METTL22: variants seen among roughly 807,000 people sequenced by gnomAD.
METTL22 encodes the protein methyltransferase-like protein 22.
METTL22 carries 51 observed loss-of-function variants against 48.4 expected under a neutral mutation model. That is an observed-to-expected ratio of 1.05 (90% CI 0.84 to 1.33). The LOEUF (loss-of-function observed/expected upper bound fraction) is 1.33. Among genes scored for constraint, METTL22 ranks in the 40% most tolerant of loss-of-function variants. The pLI is 0.00. For missense variants in METTL22, 678 were observed against 526.9 expected, an observed-to-expected ratio of 1.29 and a Z score of -2.81; for synonymous variants, 255 against 214.1, an observed-to-expected ratio of 1.19 and a Z score of -1.67.
intron 3 of METTL22, among the ~76,000 whole-genome samples, chr16:8,633,787 C>T (rs2056339020): frequency 6.6e-6 from 1 of 152,248 alleles, no homozygotes; most frequent in Non-Finnish European, 1.5e-5. Context: ...CCCAGTGCCT[C>T]ATGCAGAGAA....
rs140905666 is a variant in METTL22, at chr16:8,646,163, G to C, written c.*20G>C. The stretch of plus-strand genomic sequence containing the variant: ...ACATGACCCATCGCCTCCACAAGGC[G>C]CGGCGTCTCGACTGTTCTTAGAGTG... On this transcript the variant is annotated 3_prime_UTR_variant, in exon 11 of 11. Coordinates refer to ENST00000381920, the MANE Select transcript of METTL22 (RefSeq NM_024109.4). 6.2e-7 allele frequency: 1 copy of C among 1,614,014 alleles called. No individual in the cohort carries two copies. The highest frequency in any genetic ancestry group is 8.5e-7 in the Non-Finnish European group (1 of 1,179,886).
chr16:8,656,542 G>A, the METTL22 span, among the ~76,000 whole-genome samples: 2 of 152,264 alleles, frequency 1.3e-5, no homozygotes, highest in South Asian at 2.1e-4. Flanking sequence ...CTGCTTCTGA[G>A]AAAACAGCTG....
At chr16:8,622,319 C>G (rs1478936627) in intron 1 of METTL22, among the ~76,000 whole-genome samples, 1 of 152,190 alleles carries the variant, frequency 6.6e-6, no homozygotes, top group Non-Finnish European at 1.5e-5. Context: ...ACACCGTGAT[C>G]CCAGCACACT....
At chr16:8,662,721 G>A in the METTL22 span, among the ~76,000 whole-genome samples, 1 of 143,966 alleles carries the variant, frequency 6.9e-6, no homozygotes, top group Admixed American at 7.1e-5. Flanking sequence ...GTTCCTCAGA[G>A]GCAATAAAGC....
chr16:8,638,429 G>A (rs1289669116), intron 5 of METTL22, among the ~76,000 whole-genome samples: 1 of 152,166 alleles, frequency 6.6e-6, no homozygotes, highest in African/African-American at 2.4e-5. Flanking sequence ...TTCTGCCAGT[G>A]AGGATTCACT....
At chr16:8,642,829 G>A in intron 9 of METTL22, 1 of 528,944 alleles carries the variant, frequency 1.9e-6, no homozygotes, top group Non-Finnish European at 3.4e-6. Flanking sequence ...CCAGGGCACG[G>A]CTAGTTAGTG....
At chr16:8,637,463 A>C (rs767443553) in intron 5 of METTL22, among the ~76,000 whole-genome samples, 13 of 152,224 alleles carry the variant, frequency 8.5e-5, no homozygotes, top group Non-Finnish European at 1.8e-4. Flanking sequence ...TTGCATTTAG[A>C]TGCCATGTTC....
At chr16:8,626,836 G>A (rs1412737273) in intron 2 of METTL22, among the ~76,000 whole-genome samples, 2 of 127,006 alleles carry the variant, frequency 1.6e-5, no homozygotes, top group Admixed American at 1.0e-4. Context: ...ATGCGATCTC[G>A]GCTCACTGCA....
intron 9 of METTL22, 27 bp from the exon 10 acceptor site, chr16:8,644,530 T>C (rs1399101006): frequency 6.6e-7 from 1 of 1,522,744 alleles, no homozygotes; most frequent in Non-Finnish European, 8.9e-7. Flanking sequence ...TGATGGCAGT[T>C]TGTGCGTCCG....
intron 5 of METTL22, 118 bp from the exon 6 acceptor site, chr16:8,638,973 A>G: frequency 1.0e-6 from 1 of 981,676 alleles, no homozygotes. Context: ...CACATAGGAG[A>G]AACGTTTCTC....
intron 3 of METTL22, among the ~76,000 whole-genome samples, chr16:8,629,429 C>T (rs141558166): frequency 2.0e-5 from 3 of 152,258 alleles, no homozygotes; most frequent in African/African-American, 7.2e-5. Flanking sequence ...CAGGAAGCCT[C>T]CCTGCTGCTG....
rs943259640 is a variant in METTL22, at chr16:8,646,224, A to G, written c.*81A>G. On this transcript the variant is annotated 3_prime_UTR_variant, in exon 11 of 11. Transcript: ENST00000381920. ...AAAATCAGAAGCTCACCAAAGCAAC[A>G]TGCTTGAGATTTTGTCATTTTAAAA... 54 of 1,542,538 alleles carry G rather than the reference A, an allele frequency of 3.5e-5. No homozygotes were observed. The highest frequency in any genetic ancestry group is 6.8e-5 in the East Asian group (3 of 44,368).
intron 6 of METTL22, 98 bp downstream of exon 6, chr16:8,639,260 C>T: frequency 8.2e-7 from 1 of 1,212,672 alleles, no homozygotes; most frequent in South Asian, 1.2e-5. Flanking sequence ...AGGGCTCCGT[C>T]TGTGTCCCTT....
Position 8,644,735 on chromosome 16 carries a change from G to A in METTL22, c.1179+10G>A, listed in dbSNP as rs368307509. 2.0e-4 allele frequency: 306 copies of A among 1,560,758 alleles called. No individual in the cohort carries two copies. Among genetic ancestry groups the A allele is most frequent in the Non-Finnish European group, 2.6e-4 (294 of 1,152,052 alleles). ...GCGCCTCCAGCAACTGGTAGGTCCA[G>A]GCCCCGAAGCAGGGCCGTTGGTTGC... On this transcript the variant is annotated intron_variant, in intron 10 of 10. Transcript: ENST00000381920.
chr16:8,635,180 G>A lies in METTL22; in HGVS notation c.568G>A (p.Ala190Thr), dbSNP rs770070797. 22 of 1,610,452 alleles carry A rather than the reference G, an allele frequency of 1.4e-5. No individual in the cohort carries two copies. Among genetic ancestry groups the A allele is most frequent in the South Asian group, 8.8e-5 (8 of 90,702 alleles). ...CTCTTCCCTCCAGGTGTGGCGGGGC[G>A]CCCTGCTCCTGGCAGACTACATCCT... ...EDVGKQVWRG[A>T]LLLADYILFR... Residue 190 changes from alanine (A) to threonine (T), a missense_variant, in exon 5 of 11, where the codon GCC becomes ACC. Coordinates refer to ENST00000381920, the MANE Select transcript of METTL22 (RefSeq NM_024109.4).
intron 5 of METTL22, among the ~76,000 whole-genome samples, chr16:8,636,384 A>C (rs2056422111): frequency 6.6e-6 from 1 of 152,114 alleles, no homozygotes; most frequent in African/African-American, 2.4e-5. Flanking sequence ...AAAATACAAG[A>C]ATTAACCAGA....
At chr16:8,632,170 T>A (rs1268669655) in intron 3 of METTL22, 1 of 152,200 alleles carries the variant, frequency 6.6e-6, no homozygotes, top group Non-Finnish European at 1.5e-5. Flanking sequence ...GGGGAATTCA[T>A]TCTGGCTTTT....
At chr16:8,643,794 A>C (rs1448051346) in intron 9 of METTL22, among the ~76,000 whole-genome samples, 1 of 152,004 alleles carries the variant, frequency 6.6e-6, no homozygotes, top group East Asian at 1.9e-4. Context: ...TTGTATTTTT[A>C]GTAGAAACGG....
chr16:8,653,462 G>A (rs977436126), downstream of METTL22, among the ~76,000 whole-genome samples: 1 of 152,192 alleles, frequency 6.6e-6, no homozygotes, highest in East Asian at 1.9e-4. Context: ...GATGACTTCT[G>A]TGTTGACAGG....
Sources: allele counts gnomAD v4.1 joint callset (sites outside exome capture counted in the v4.1 genomes callset), GRCh38; gene constraint gnomAD v4.1.1; transcripts MANE v1.5; gene names NCBI Gene and HGNC (gene_info 2026-07-23, HGNC 2026-07-21).